Variants in CCSER1 observed in about 807,000 individuals in gnomAD.
CCSER1 encodes coiled-coil serine rich protein 1, also known as serine-rich coiled-coil domain-containing protein 1.
In CCSER1, 41 loss-of-function variants were observed where a neutral mutation model predicts 82.0. That is an observed-to-expected ratio of 0.50 (90% CI 0.39 to 0.65). CCSER1 has a LOEUF of 0.65. CCSER1 is among the 30% of genes least tolerant of loss of function. CCSER1 has a pLI of 0.00. For synonymous variants in CCSER1, 414 were observed against 383.9 expected (o/e 1.08, Z -0.92); for missense variants, 1,119 against 1,064.2 (o/e 1.05, Z -0.72).
chr4:90,774,733 G>T (rs1007673718), intron 7 of CCSER1, among the ~76,000 whole-genome samples: 8 of 152,022 alleles, frequency 5.3e-5, no homozygotes, highest in African/African-American at 1.7e-4. Context: ...CTGCTGTAAT[G>T]TTTTCCAGGC....
rs191843374 is a variant in CCSER1, at chr4:91,150,798, C to G, written c.2217+64804C>G. 9.2e-5 allele frequency among the ~76,000 whole-genome samples: 14 copies of G among 152,262 alleles called. No individual in the cohort carries two copies. The East Asian group carries it at 2.7e-3, about 29-fold the overall frequency. ...TATTGATTTGCATATGTTGAACCAGCCTTGCATCTCAGAGATGAAGCCCAC... is the reference window on the plus strand; with the variant it reads ...TATTGATTTGCATATGTTGAACCAGGCTTGCATCTCAGAGATGAAGCCCAC... On this transcript the variant is annotated intron_variant, in intron 10 of 10. Transcript: ENST00000509176.
chr4:90,304,874 A>C (rs1383039789), intron 1 of CCSER1, among the ~76,000 whole-genome samples: 1 of 152,026 alleles, frequency 6.6e-6, no homozygotes, highest in Non-Finnish European at 1.5e-5. Context: ...TACTTGCTAA[A>C]GAGTTATGGG....
In CCSER1 at chr4:91,101,727, G is replaced by A. The variant is rs376074708; in HGVS notation, c.2217+15733G>A. Among the ~76,000 whole-genome samples, 79 of 151,870 alleles carry A rather than the reference G, an allele frequency of 5.2e-4. 1 individual carries two copies. In the South Asian group the frequency reaches 0.011, roughly 21 times the overall value. On this transcript the variant is annotated intron_variant, in intron 10 of 10. Transcript: ENST00000509176. ...AACAAATGAAGACAAGATTGAGAAA[G>A]GTTTTGAAAAGGTAATCAAAGTAAT...
chr4:91,180,876 T>C (rs1247703110), intron 10 of CCSER1, among the ~76,000 whole-genome samples: 1 of 152,152 alleles, frequency 6.6e-6, no homozygotes, highest in East Asian at 1.9e-4. Flanking sequence ...TCTATAGATA[T>C]TAAATTAACT....
At chr4:90,278,761 C>G (rs947331949) in intron 1 of CCSER1, among the ~76,000 whole-genome samples, 3 of 151,964 alleles carry the variant, frequency 2.0e-5, no homozygotes, top group Non-Finnish European at 4.4e-5. Flanking sequence ...TCATTCATAC[C>G]TCAAGCCTCA....
intron 8 of CCSER1, among the ~76,000 whole-genome samples, chr4:90,830,148 C>T (rs986032933): frequency 6.6e-6 from 1 of 152,126 alleles, no homozygotes; most frequent in Non-Finnish European, 1.5e-5. Context: ...GGGGAGAGAC[C>T]TCTCCTGCTC....
chr4:91,090,257 A>T (rs1723810454), intron 10 of CCSER1, among the ~76,000 whole-genome samples: 1 of 152,176 alleles, frequency 6.6e-6, no homozygotes, highest in Admixed American at 6.5e-5. Flanking sequence ...AGGTGGTGTA[A>T]TAGTGCCAAT....
At chr4:90,499,462 CT>C (rs1462443570) in intron 5 of CCSER1, among the ~76,000 whole-genome samples, 2 of 152,136 alleles carry the variant, frequency 1.3e-5, no homozygotes, top group Non-Finnish European at 2.9e-5. Flanking sequence ...ATTTGGGACA[CT>C]AGTTAATGGT....
chr4:91,534,479 A>G (rs577014638), intron 10 of CCSER1, among the ~76,000 whole-genome samples: 6 of 152,190 alleles, frequency 3.9e-5, no homozygotes, highest in African/African-American at 1.4e-4. Flanking sequence ...TGGGCAATTC[A>G]TGAAAAATCT....
At chr4:91,054,500 CTGTT>C (rs1384290783) in intron 9 of CCSER1, among the ~76,000 whole-genome samples, 2 of 151,828 alleles carry the variant, frequency 1.3e-5, no homozygotes, top group East Asian at 1.9e-4. Flanking sequence ...GATTTAAAGT[CTGTT>C]TGTTCAGCTA....
intron 9 of CCSER1, among the ~76,000 whole-genome samples, chr4:90,967,190 G>A (rs1358791473): frequency 6.6e-6 from 1 of 152,012 alleles, no homozygotes; most frequent in African/African-American, 2.4e-5. Context: ...GCTCATGCTT[G>A]TAATCACAGC....
intron 9 of CCSER1, among the ~76,000 whole-genome samples, chr4:91,026,457 G>C (rs1262552754): frequency 6.6e-6 from 1 of 152,042 alleles, no homozygotes; most frequent in East Asian, 1.9e-4. Context: ...CTAAGTGTCA[G>C]TGAATTTTCA....
intron 6 of CCSER1, among the ~76,000 whole-genome samples, chr4:90,665,364 C>G (rs1434795342): frequency 2.0e-5 from 3 of 151,116 alleles, no homozygotes; most frequent in Non-Finnish European, 4.4e-5. Context: ...TGCTGTCGCC[C>G]AGGCTGGAGT....
At chr4:91,124,627 T>C (rs1486456281) in intron 10 of CCSER1, among the ~76,000 whole-genome samples, 1 of 151,774 alleles carries the variant, frequency 6.6e-6, no homozygotes, top group Non-Finnish European at 1.5e-5. Context: ...CCTGTTTTAG[T>C]TTATTATCTT....
At chr4:90,966,684 A>C (rs566144606) in intron 9 of CCSER1, among the ~76,000 whole-genome samples, 1 of 152,156 alleles carries the variant, frequency 6.6e-6, no homozygotes, top group East Asian at 1.9e-4. Context: ...ACACAGGAAA[A>C]TATGAAAACT....
In CCSER1 at chr4:90,392,916, T is replaced by C. The variant is rs111657979; in HGVS notation, c.1510-7120T>C. On this transcript the variant is annotated intron_variant, in intron 3 of 10. Coordinates refer to ENST00000509176, the MANE Select transcript of CCSER1 (RefSeq NM_001145065.2). ...ATAACTATCCTCAGAGCAGTAATTA[T>C]ATAATATTGCCAGGTTAATTGTCTT... 5.3e-3 allele frequency among the ~76,000 whole-genome samples: 805 copies of C among 152,268 alleles called. 4 individuals carry two copies. Among genetic ancestry groups the C allele is most frequent in the Non-Finnish European group, 9.1e-3 (616 of 67,996 alleles).
chr4:90,194,261 A>C lies in CCSER1; in HGVS notation c.-42+66430A>C, dbSNP rs563844602. Among the ~76,000 whole-genome samples, 9 of 152,214 alleles carry C rather than the reference A, an allele frequency of 5.9e-5. No individual in the cohort carries two copies. In the East Asian group the frequency reaches 1.5e-3, roughly 26 times the overall value. On this transcript the variant is annotated intron_variant, in intron 1 of 10. Coordinates refer to ENST00000509176, the MANE Select transcript of CCSER1 (RefSeq NM_001145065.2). ...AGCCTTGATTTTTTATCTGTAAAGT[A>C]GGCATACTATTGTCTATGCCATACA... is the stretch of plus-strand genomic sequence containing the variant.
At chr4:91,345,619 A>G (rs1748004287) in intron 10 of CCSER1, among the ~76,000 whole-genome samples, 1 of 152,128 alleles carries the variant, frequency 6.6e-6, no homozygotes, top group African/African-American at 2.4e-5. Context: ...TTCCCTGATT[A>G]TTGACATCTT....
intron 5 of CCSER1, among the ~76,000 whole-genome samples, chr4:90,549,653 T>A (rs998677308): frequency 6.6e-6 from 1 of 152,110 alleles, no homozygotes; most frequent in Non-Finnish European, 1.5e-5. Context: ...ATTTGGAGCT[T>A]GGTAAGAGAA....
Sources: allele counts gnomAD v4.1 joint callset (sites outside exome capture counted in the v4.1 genomes callset), GRCh38; gene constraint gnomAD v4.1.1; transcripts MANE v1.5; gene names NCBI Gene and HGNC (gene_info 2026-07-23, HGNC 2026-07-21).